STOX2: variants seen among roughly 807,000 people sequenced by gnomAD.
The protein encoded by STOX2 is storkhead-box protein 2.
STOX2 carries 28 observed loss-of-function variants against 60.9 expected under a neutral mutation model. The observed-to-expected ratio is 0.46, with a 90% CI of 0.34 to 0.63. The LOEUF (loss-of-function observed/expected upper bound fraction) is 0.63. Ranked by LOEUF, STOX2 falls within the 30% of genes least tolerant of loss-of-function variation. The probability of loss-of-function intolerance (pLI) is 0.01; values close to 1 mark genes in which losing one functional copy is unlikely to be tolerated. For missense variants in STOX2, 1,024 were observed against 1,187.7 expected (o/e 0.86, Z 2.03); for synonymous variants, 472 against 463.9 (o/e 1.02, Z -0.22).
chr4:183,952,848 C>G (rs981540594), intron 1 of STOX2, among the ~76,000 whole-genome samples: 3 of 151,724 alleles, frequency 2.0e-5, no homozygotes, highest in Non-Finnish European at 4.4e-5. Context: ...CCATGGAATA[C>G]TATGCAGCCA....
At chr4:183,943,983 G>A (rs1487223607) in intron 1 of STOX2, among the ~76,000 whole-genome samples, 1 of 152,236 alleles carries the variant, frequency 6.6e-6, no homozygotes, top group Non-Finnish European at 1.5e-5. Context: ...TGGATTCAAA[G>A]ATGTCTCAAA....
At chr4:183,826,559 G>A (rs1347346575) in intron 1 of STOX2, among the ~76,000 whole-genome samples, 1 of 152,078 alleles carries the variant, frequency 6.6e-6, no homozygotes, top group African/African-American at 2.4e-5. Context: ...TTTCAAATAC[G>A]AGCCATTAGC....
chr4:184,016,926 G>T (rs1734396780), intron 3 of STOX2, among the ~76,000 whole-genome samples, 163 bp from the exon 4 acceptor site: 1 of 152,226 alleles, frequency 6.6e-6, no homozygotes, highest in Non-Finnish European at 1.5e-5. Context: ...GGAGCCAGTG[G>T]TGGAGAGGCA....
intron 1 of STOX2, among the ~76,000 whole-genome samples, chr4:183,918,303 C>G (rs796107462): frequency 5.3e-5 from 8 of 152,196 alleles, no homozygotes; most frequent in African/African-American, 1.9e-4. Context: ...GAACTTCCAA[C>G]TAAGGAAAAA....
At chr4:183,913,543 C>T (rs529399046) in intron 1 of STOX2, among the ~76,000 whole-genome samples, 3 of 152,130 alleles carry the variant, frequency 2.0e-5, no homozygotes, top group African/African-American at 7.2e-5. Flanking sequence ...GAGGGCGAGG[C>T]GGGCAGATTA....
intron 1 of STOX2, among the ~76,000 whole-genome samples, chr4:183,991,071 G>C (rs1325574133): frequency 1.3e-5 from 2 of 151,986 alleles, no homozygotes; most frequent in Non-Finnish European, 2.9e-5. Context: ...TTAGGTAATG[G>C]ATTGGCCCAA....
At chr4:183,978,089 G>A (rs1325317251) in intron 1 of STOX2, among the ~76,000 whole-genome samples, 1 of 152,166 alleles carries the variant, frequency 6.6e-6, no homozygotes, top group Non-Finnish European at 1.5e-5. Flanking sequence ...CTGTGCAAAT[G>A]CTATTTAGTT....
chr4:183,976,040 C>T (rs1407393962), intron 1 of STOX2, among the ~76,000 whole-genome samples: 2 of 152,200 alleles, frequency 1.3e-5, no homozygotes, highest in East Asian at 3.8e-4. Context: ...GGGCTGGGCA[C>T]AGTGGCTCAC....
chr4:183,827,927 A>ATTGT, intron 1 of STOX2, among the ~76,000 whole-genome samples: 1 of 151,696 alleles, frequency 6.6e-6, no homozygotes, highest in Non-Finnish European at 1.5e-5. Context: ...TTGCCCCAGT[A>ATTGT]TAACCTCAAT....
intron 1 of STOX2, among the ~76,000 whole-genome samples, chr4:183,939,938 C>G (rs988550526): frequency 1.3e-5 from 2 of 152,202 alleles, no homozygotes; most frequent in Admixed American, 1.3e-4. Flanking sequence ...GAATCTCGCT[C>G]TGTCGCTCAG....
intron 1 of STOX2, among the ~76,000 whole-genome samples, chr4:183,982,223 TA>T (rs1469990321): frequency 6.6e-6 from 1 of 152,252 alleles, no homozygotes; most frequent in African/African-American, 2.4e-5. Context: ...TTCCCAATCC[TA>T]TGAGAATTGA....
chr4:183,916,610 T>C (rs996396333), intron 1 of STOX2, among the ~76,000 whole-genome samples: 2 of 152,174 alleles, frequency 1.3e-5, no homozygotes, highest in Middle Eastern at 3.2e-3. Context: ...TGGCCAAAAC[T>C]GCAATGACTT....
intron 1 of STOX2, among the ~76,000 whole-genome samples, chr4:183,929,146 G>C (rs911249515): frequency 2.0e-5 from 3 of 152,184 alleles, no homozygotes; most frequent in Non-Finnish European, 4.4e-5. Context: ...ATGAGATCTA[G>C]TCATGATCAA....
chr4:183,843,808 C>T (rs190891441), intron 1 of STOX2, among the ~76,000 whole-genome samples: 30 of 152,286 alleles, frequency 2.0e-4, no homozygotes, highest in Admixed American at 1.8e-3. Context: ...AGAAACTCAT[C>T]TTTAATTCCA....
At chr4:184,007,033 C>CAA (rs869258990) in intron 2 of STOX2, among the ~76,000 whole-genome samples, 1,244 of 67,076 alleles carry the variant, frequency 0.019, 101 homozygotes, top group African/African-American at 0.045. Flanking sequence ...AAAAAAAAAA[C>CAA]AAAACAAAAA....
At chr4:183,808,564 C>G (rs1561101188) in intron 1 of STOX2, among the ~76,000 whole-genome samples, 1 of 152,142 alleles carries the variant, frequency 6.6e-6, no homozygotes, top group African/African-American at 2.4e-5. Context: ...CGTTAGTAGA[C>G]TGTGAGGTAA....
intron 1 of STOX2, among the ~76,000 whole-genome samples, chr4:183,888,975 A>C (rs1343834325): frequency 6.6e-6 from 1 of 151,898 alleles, no homozygotes; most frequent in African/African-American, 2.4e-5. Context: ...CCAAAAGGGA[A>C]GGTTTGCTTT....
intron 1 of STOX2, among the ~76,000 whole-genome samples, chr4:183,899,612 T>G (rs1259636827): frequency 6.6e-6 from 1 of 152,156 alleles, no homozygotes; most frequent in Non-Finnish European, 1.5e-5. Context: ...TAGCTTCAAT[T>G]CTCTGAAGGC....
chr4:183,833,521 A>G (rs1439652854), intron 1 of STOX2, among the ~76,000 whole-genome samples: 2 of 152,168 alleles, frequency 1.3e-5, no homozygotes, highest in Non-Finnish European at 1.5e-5. Flanking sequence ...ATCCAAATGC[A>G]AACAGTGGTA....
Sources: gnomAD v4.1 joint callset for allele counts (sites outside exome capture counted in the v4.1 genomes callset) on GRCh38, gnomAD v4.1.1 for gene constraint, MANE v1.5 for transcripts, NCBI Gene and HGNC (gene_info 2026-07-23, HGNC 2026-07-21) for gene names.